CNTNAP2: variants seen among roughly 807,000 people sequenced by gnomAD.
The protein encoded by CNTNAP2 is contactin associated protein 2.
CNTNAP2 carries 98 observed loss-of-function variants against 155.2 expected under a neutral mutation model. The observed-to-expected ratio is 0.63, with a 90% CI of 0.54 to 0.75. The LOEUF (loss-of-function observed/expected upper bound fraction) is 0.75. Among genes scored for constraint, CNTNAP2 ranks in the 30% least tolerant of loss-of-function variants. The probability of loss-of-function intolerance (pLI) is 0.00; values close to 1 mark genes in which losing one functional copy is unlikely to be tolerated. For synonymous variants in CNTNAP2, 651 were observed against 631.2 expected, an observed-to-expected ratio of 1.03 and a Z score of -0.47; for missense variants, 1,727 against 1,688.1, an observed-to-expected ratio of 1.02 and a Z score of -0.40.
intron 5 of CNTNAP2, among the ~76,000 whole-genome samples, chr7:147,115,351 T>G (rs1044448063): frequency 3.3e-5 from 5 of 152,232 alleles, no homozygotes; most frequent in Admixed American, 1.3e-4. Flanking sequence ...TTTCCTGAAT[T>G]TGAATGTTGG....
intron 1 of CNTNAP2, among the ~76,000 whole-genome samples, chr7:146,131,977 G>T (rs1563133877): frequency 6.6e-6 from 1 of 152,238 alleles, no homozygotes. Flanking sequence ...TGCCGTGATT[G>T]TAAGTTTCCT....
Position 146,470,232 on chromosome 7 carries a change from T to C in CNTNAP2, c.98-304039T>C, listed in dbSNP as rs116094058. 4.2e-3 allele frequency among the ~76,000 whole-genome samples: 635 copies of C among 152,322 alleles called. 8 individuals carry two copies. The highest frequency in any genetic ancestry group is 0.014 in the African/African-American group (598 of 41,580). ...AAACATCATGTTTTATTTTGCATAT[T>C]TTTGAAATTTATATACATGGAATGA... On this transcript the variant is annotated intron_variant, in intron 1 of 23. Transcript: ENST00000361727.
At position 148,137,725 on chromosome 7, in the gene CNTNAP2, GAAGGAAGGAA is replaced by G. The variant is rs1249438703; in HGVS notation, c.2555-9765_2555-9756del. On this transcript the variant is annotated intron_variant, in intron 16 of 23. Coordinates refer to ENST00000361727, the MANE Select transcript of CNTNAP2 (RefSeq NM_014141.6). Reference sequence around the variant, plus strand: ...GGAAGGAAGGAAGGAAGGAAGGAAGGAAGGAAGGAAGGTTCTCCTTTCCTCTCTAATGTCT... The same window carrying G: ...GGAAGGAAGGAAGGAAGGAAGGAAGGGGTTCTCCTTTCCTCTCTAATGTCT... 1.7e-3 allele frequency among the ~76,000 whole-genome samples: 238 copies of G among 138,464 alleles called. 3 individuals are homozygous for G. Among genetic ancestry groups the G allele is most frequent in the African/African-American group, 6.1e-3 (226 of 36,854 alleles). The allele number at this position is 138,464 out of a possible 152,430, so 90.8% of individuals were successfully genotyped here.
intron 2 of CNTNAP2, among the ~76,000 whole-genome samples, chr7:146,837,890 A>T (rs1803648557): frequency 6.6e-6 from 1 of 152,092 alleles, no homozygotes; most frequent in African/African-American, 2.4e-5. Context: ...TCTGAAATCA[A>T]ATTTTTCCCA....
At chr7:147,318,794 C>T (rs1795286176) in intron 9 of CNTNAP2, among the ~76,000 whole-genome samples, 1 of 152,038 alleles carries the variant, frequency 6.6e-6, no homozygotes, top group East Asian at 1.9e-4. Context: ...AATAAACCTG[C>T]ACGTTCTGCA....
At chr7:147,373,302 G>A (rs555539115) in intron 9 of CNTNAP2, among the ~76,000 whole-genome samples, 42 of 152,040 alleles carry the variant, frequency 2.8e-4, no homozygotes, top group African/African-American at 5.8e-4. Flanking sequence ...GGTGGCTGAC[G>A]TGGTTTCGGT....
At chr7:146,664,130 T>C (rs887660154) in intron 1 of CNTNAP2, among the ~76,000 whole-genome samples, 1 of 151,812 alleles carries the variant, frequency 6.6e-6, no homozygotes, top group South Asian at 2.1e-4. Flanking sequence ...ATACTTTCTC[T>C]TCTTAGTTTG....
intron 3 of CNTNAP2, among the ~76,000 whole-genome samples, chr7:146,984,333 A>C (rs1295962799): frequency 4.0e-5 from 6 of 149,664 alleles, no homozygotes; most frequent in Non-Finnish European, 8.9e-5. Context: ...TGCCACTGCA[A>C]TCCAGCCTGG....
At chr7:146,621,590 C>T (rs1173381292) in intron 1 of CNTNAP2, among the ~76,000 whole-genome samples, 1 of 152,140 alleles carries the variant, frequency 6.6e-6, no homozygotes, top group Non-Finnish European at 1.5e-5. Context: ...ATGTTTTTCT[C>T]ATGATTAGAC....
At chr7:147,534,625 A>G (rs1250200735) in intron 11 of CNTNAP2, among the ~76,000 whole-genome samples, 2 of 152,200 alleles carry the variant, frequency 1.3e-5, no homozygotes, top group Non-Finnish European at 2.9e-5. Context: ...TGAATTTCAT[A>G]AAAAATAAAT....
In CNTNAP2 at chr7:148,135,992, G is replaced by GAAGA. The variant is rs1554476181; in HGVS notation, c.2555-11496_2555-11495insAAAG. On this transcript the variant is annotated intron_variant, in intron 16 of 23. Coordinates refer to ENST00000361727, the MANE Select transcript of CNTNAP2 (RefSeq NM_014141.6). ...GAGAGGGAGGAAGGAAGGAAGGAAGGAAGGAAGGAAGGAAGGAAGGAAGGA... is the reference window on the plus strand; with the variant it reads ...GAGAGGGAGGAAGGAAGGAAGGAAGGAAGAAAGGAAGGAAGGAAGGAAGGAAGGA... Among the ~76,000 whole-genome samples the GAAGA allele has an allele frequency of 5.0e-3, 152 of 30,336 alleles. 3 individuals carry two copies. Among genetic ancestry groups the GAAGA allele is most frequent in the African/African-American group, 0.02 (147 of 7,220 alleles). The allele number at this position is 30,336 out of a possible 152,430, so 19.9% of individuals were successfully genotyped here. A position where few individuals can be genotyped will look rare whatever the true frequency, so the allele number is the denominator to read the frequency against.
intron 3 of CNTNAP2, among the ~76,000 whole-genome samples, chr7:146,907,082 C>A (rs1051888528): frequency 6.6e-6 from 1 of 150,778 alleles, no homozygotes; most frequent in South Asian, 2.1e-4. Flanking sequence ...TGAAATGAAG[C>A]GAGAAGGGAA....
intron 17 of CNTNAP2, among the ~76,000 whole-genome samples, chr7:148,155,420 G>GT (rs1401071956): frequency 1.2e-4 from 18 of 151,854 alleles, no homozygotes; most frequent in Admixed American, 7.9e-4. Flanking sequence ...TGATTTTTTG[G>GT]TTTTTTTTAT....
At chr7:147,062,127 CAAAAAAAAAAAAAAAAAAAAAAAA>C (rs869125044) in intron 4 of CNTNAP2, among the ~76,000 whole-genome samples, 361 of 44,908 alleles carry the variant, frequency 8.0e-3, no homozygotes, top group African/African-American at 0.023. Flanking sequence ...GACTCCGTCT[CAAAAAAAAAAAAAAAAAAAAAAAA>C]AAAAAAAAAA....
At chr7:147,124,982 G>C (rs1242377423) in intron 6 of CNTNAP2, among the ~76,000 whole-genome samples, 2 of 147,716 alleles carry the variant, frequency 1.4e-5, no homozygotes, top group Admixed American at 1.4e-4. Flanking sequence ...CCGGGTTCAA[G>C]TGATTCTCCT....
At chr7:148,062,710 T>C (rs79355129) in intron 15 of CNTNAP2, among the ~76,000 whole-genome samples, 2,944 of 152,244 alleles carry the variant, frequency 0.019, 89 homozygotes, top group African/African-American at 0.067. Context: ...AAGATAGTTG[T>C]AGTTATTTTA....
chr7:147,374,525 T>C (rs2116920455), intron 9 of CNTNAP2, among the ~76,000 whole-genome samples: 1 of 152,244 alleles, frequency 6.6e-6, no homozygotes, highest in Middle Eastern at 3.4e-3. Context: ...TTACATAGTC[T>C]AGGTTATCAA....
chr7:147,259,137 T>C (rs1178728603), intron 8 of CNTNAP2, among the ~76,000 whole-genome samples: 1 of 152,242 alleles, frequency 6.6e-6, no homozygotes, highest in Non-Finnish European at 1.5e-5. Context: ...TATTTAAGTC[T>C]GTTCTCTCTA....
chr7:146,248,249 G>A (rs534634805), intron 1 of CNTNAP2, among the ~76,000 whole-genome samples: 15 of 151,642 alleles, frequency 9.9e-5, no homozygotes, highest in South Asian at 2.1e-4. Flanking sequence ...AGGACTTGCC[G>A]CTCAGGGTGA....
Sources: gnomAD v4.1 joint callset for allele counts (sites outside exome capture counted in the v4.1 genomes callset) on GRCh38, gnomAD v4.1.1 for gene constraint, MANE v1.5 for transcripts, NCBI Gene and HGNC (gene_info 2026-07-23, HGNC 2026-07-21) for gene names.